The following MAGOHB variants were observed in gnomAD, a reference collection of about 807,000 sequenced individuals.
MAGOHB encodes the protein protein mago nashi homolog 2.
In MAGOHB, 15 loss-of-function variants were observed where a neutral mutation model predicts 20.9. The observed-to-expected ratio is 0.72, with a 90% CI of 0.48 to 1.11. The LOEUF (loss-of-function observed/expected upper bound fraction) is 1.11. MAGOHB is among the 50% of genes least tolerant of loss of function. The pLI, the probability that MAGOHB is intolerant of heterozygous loss-of-function variation, is 0.00. For missense variants in MAGOHB, 162 were observed against 177.6 expected (o/e 0.91, Z 0.50); for synonymous variants, 50 against 57.9 (o/e 0.86, Z 0.62).
intron 2 of MAGOHB, 41 bp from the exon 3 acceptor site, chr12:10,609,982 T>G: frequency 8.9e-7 from 1 of 1,123,756 alleles, no homozygotes; most frequent in Non-Finnish European, 1.3e-6. Context: ...TGCCCACCTA[T>G]GTCACCCCTC....
Position 10,612,190 on chromosome 12 carries a change from A to AATAACATAACATAAC in MAGOHB, c.94+1234_94+1248dup, listed in dbSNP as rs3059682. Among the ~76,000 whole-genome samples, 1,172 of 141,444 alleles carry AATAACATAACATAAC rather than the reference A, an allele frequency of 8.3e-3. 20 individuals are homozygous for AATAACATAACATAAC. Among genetic ancestry groups the AATAACATAACATAAC allele is most frequent in the Middle Eastern group, 0.014 (4 of 288 alleles). 92.8% of individuals were successfully genotyped at this position (141,444 alleles called of 152,430 possible). A position where few individuals can be genotyped will look rare whatever the true frequency, so the allele number is the denominator to read the frequency against. ...CATGGGGAAACCCATCTCTACAAAA[A>AATAACATAACATAAC]ATAACATAACATAACATAACATAAC... is the stretch of plus-strand genomic sequence containing the variant. On this transcript the variant is annotated intron_variant, in intron 1 of 4. Transcript: ENST00000320756.
At chr12:10,612,250 T>C (rs866798734) in intron 1 of MAGOHB, among the ~76,000 whole-genome samples, 1 of 133,436 alleles carries the variant, frequency 7.5e-6, no homozygotes, top group African/African-American at 3.0e-5. Flanking sequence ...CATAACATAA[T>C]TAGCTGGGTG....
Position 10,613,565 on chromosome 12 carries a change from C to T in MAGOHB, c.-33G>A. 1 of 1,446,706 alleles carries T rather than the reference C, an allele frequency of 6.9e-7. No homozygotes were observed. The highest frequency in any genetic ancestry group is 9.7e-7 in the Non-Finnish European group (1 of 1,027,362). The allele number at this position is 1,446,706 out of a possible 1,614,324, so 89.6% of individuals were successfully genotyped here. Reference sequence around the variant, plus strand: ...CCCGGGAAGCCCGCCGAAAACGCAGCCAACGTGTCCCCCGGCGCCTTGCAG... The same window carrying T: ...CCCGGGAAGCCCGCCGAAAACGCAGTCAACGTGTCCCCCGGCGCCTTGCAG... On this transcript the variant is annotated 5_prime_UTR_variant, in exon 1 of 5. Transcript: ENST00000320756.
At chr12:10,612,557 G>T in intron 1 of MAGOHB, 1 of 521,790 alleles carries the variant, frequency 1.9e-6, no homozygotes, top group Non-Finnish European at 2.6e-6. Context: ...GACTTAATAT[G>T]CATACTGCTT....
intron 1 of MAGOHB, among the ~76,000 whole-genome samples, chr12:10,612,468 T>C (rs1323748765): frequency 2.0e-5 from 3 of 152,130 alleles, no homozygotes; most frequent in Non-Finnish European, 4.4e-5. Context: ...CTTGATACTC[T>C]TCTCCTTTCC....
downstream of MAGOHB, among the ~76,000 whole-genome samples, chr12:10,601,192 G>C (rs1298093882): frequency 6.6e-6 from 1 of 152,154 alleles, no homozygotes; most frequent in Non-Finnish European, 1.5e-5. Flanking sequence ...CTGGGGTGTA[G>C]TAATAGCGGA....
At chr12:10,612,931 C>G in intron 1 of MAGOHB, 1 of 1,289,182 alleles carries the variant, frequency 7.8e-7, no homozygotes, top group South Asian at 1.2e-5. Flanking sequence ...CTGACTCCCT[C>G]CTGTGGAACT....
chr12:10,599,884 T>C (rs1865537880), downstream of MAGOHB, among the ~76,000 whole-genome samples: 1 of 152,200 alleles, frequency 6.6e-6, no homozygotes, highest in Admixed American at 6.5e-5. Flanking sequence ...CTAATATCAT[T>C]AACAAAAAAC....
In MAGOHB at chr12:10,604,456, G is replaced by A. The variant is rs989572489; in HGVS notation, c.*1819C>T. 5.9e-5 allele frequency: 9 copies of A among 152,102 alleles called. No individual in the cohort carries two copies. Among genetic ancestry groups the A allele is most frequent in the Admixed American group, 2.0e-4 (3 of 15,276 alleles). The allele number at this position is 152,102 out of a possible 1,614,324, so 9.4% of individuals were successfully genotyped here. ...ATAGTGGGGATAGAGCTAAATAAACGAAAACGTAAGGAAGTTAGAGAACGG... is the reference window on the plus strand; with the variant it reads ...ATAGTGGGGATAGAGCTAAATAAACAAAAACGTAAGGAAGTTAGAGAACGG... On this transcript the variant is annotated 3_prime_UTR_variant, in exon 5 of 5. Transcript: ENST00000320756.
chr12:10,602,785 A>G (rs184218369), downstream of MAGOHB, among the ~76,000 whole-genome samples: 2 of 152,330 alleles, frequency 1.3e-5, no homozygotes, highest in East Asian at 3.9e-4. Context: ...ACCGTTAGCT[A>G]GAAGCTTAGA....
intron 1 of MAGOHB, 62 bp downstream of exon 1, chr12:10,613,377 C>A (rs1865786995): frequency 2.1e-6 from 3 of 1,456,956 alleles, no homozygotes; most frequent in African/African-American, 1.4e-5. Flanking sequence ...ACCCTCCACA[C>A]CACCCGGCCT....
rs541042923 is a variant in MAGOHB, at chr12:10,610,577, C to CAA, written c.153+43_153+44dup. The CAA allele has an allele frequency of 5.5e-3, 4,019 of 725,446 alleles. 8 individuals are homozygous for CAA. The highest frequency in any genetic ancestry group is 0.015 in the African/African-American group (430 of 28,612). 44.9% of individuals were successfully genotyped at this position (725,446 alleles called of 1,614,324 possible). Reference sequence around the variant, plus strand: ...AGACTTGAAGAAAATGGGCTAAATGCAAAAAAAAAAAAAAAAAAAAAAAAG... The same window carrying CAA: ...AGACTTGAAGAAAATGGGCTAAATGCAAAAAAAAAAAAAAAAAAAAAAAAAAG... On this transcript the variant is annotated intron_variant, in intron 2 of 4. Transcript: ENST00000320756.
chr12:10,601,701 A>T (rs1046945032), downstream of MAGOHB, among the ~76,000 whole-genome samples: 2 of 152,228 alleles, frequency 1.3e-5, no homozygotes, highest in African/African-American at 4.8e-5. Context: ...AAAAATTGTT[A>T]CTTGAAGTCC....
At chr12:10,609,331 G>C (rs2120522644) in intron 3 of MAGOHB, 1 of 419,256 alleles carries the variant, frequency 2.4e-6, no homozygotes, top group Non-Finnish European at 4.7e-6. Flanking sequence ...TCTTTTTACA[G>C]AGTGAAATTA....
At chr12:10,600,548 A>AT (rs1865544319), downstream of MAGOHB, among the ~76,000 whole-genome samples, 1 of 152,130 alleles carries the variant, frequency 6.6e-6, no homozygotes, top group Admixed American at 6.5e-5. Flanking sequence ...TGCACATTTG[A>AT]TTTTTTAAGA....
downstream of MAGOHB, among the ~76,000 whole-genome samples, chr12:10,601,405 A>G (rs779588637): frequency 6.6e-6 from 1 of 152,220 alleles, no homozygotes; most frequent in Non-Finnish European, 1.5e-5. Flanking sequence ...GACTGAAGAC[A>G]GAGCACAATG....
chr12:10,611,771 A>AAAAAAAAAAAAAAAAAAAAG (rs1555146555), intron 1 of MAGOHB, among the ~76,000 whole-genome samples: 6 of 93,114 alleles, frequency 6.4e-5, no homozygotes, highest in Non-Finnish European at 1.2e-4. Flanking sequence ...AAAAAAAAAA[A>AAAAAAAAAAAAAAAAAAAAG]AAAAGAAAAG....
intron 3 of MAGOHB, 57 bp downstream of exon 3, chr12:10,609,774 A>C (rs1187797296): frequency 9.0e-6 from 10 of 1,105,696 alleles, no homozygotes; most frequent in Non-Finnish European, 1.3e-5. Flanking sequence ...AACGGGAAAC[A>C]AAATAGTATT....
chr12:10,600,092 T>C (rs1420965255), downstream of MAGOHB, among the ~76,000 whole-genome samples: 1 of 152,160 alleles, frequency 6.6e-6, no homozygotes, highest in Non-Finnish European at 1.5e-5. Context: ...CAAGTAAATG[T>C]ATTTTTTAAA....
Sources: allele counts gnomAD v4.1 joint callset (sites outside exome capture counted in the v4.1 genomes callset), GRCh38; gene constraint gnomAD v4.1.1; transcripts MANE v1.5; gene names NCBI Gene and HGNC (gene_info 2026-07-23, HGNC 2026-07-21).